ANKH: variants seen among roughly 807,000 people sequenced by gnomAD.
The protein encoded by ANKH is ANKH inorganic pyrophosphate transport regulator, also known as mineralization regulator ANKH.
ANKH carries 15 observed loss-of-function variants against 49.0 expected under a neutral mutation model. The observed-to-expected ratio is 0.31, with a 90% confidence interval of 0.20 to 0.47. The LOEUF (loss-of-function observed/expected upper bound fraction) is 0.47. Among genes scored for constraint, ANKH ranks in the 20% least tolerant of loss-of-function variants. ANKH has a pLI of 1.00. For missense variants in ANKH, 429 were observed against 652.0 expected, an observed-to-expected ratio of 0.66 and a Z score of 3.72; for synonymous variants, 273 against 260.0, an observed-to-expected ratio of 1.05 and a Z score of -0.48.
intron 11 of ANKH, among the ~76,000 whole-genome samples, chr5:14,711,617 C>T (rs1257014153): frequency 6.6e-6 from 1 of 152,220 alleles, no homozygotes; most frequent in Non-Finnish European, 1.5e-5. Flanking sequence ...TGCGCTCTCC[C>T]CGACTCCTCA....
chr5:14,758,656 TTTTTG>T, intron 2 of ANKH, 58 bp from the exon 3 acceptor site: 1 of 1,258,270 alleles, frequency 7.9e-7, no homozygotes, highest in Non-Finnish European at 1.2e-6. Context: ...CTTTATATTC[TTTTTG>T]TTTCAAAAGC....
Position 14,745,877 on chromosome 5 carries a change from A to G in ANKH, c.908T>C (p.Phe303Ser). 1 of 1,614,236 alleles carries G rather than the reference A, an allele frequency of 6.2e-7. No homozygotes were observed. The highest frequency in any genetic ancestry group is 8.5e-7 in the Non-Finnish European group (1 of 1,180,030). ...CACCGCACGGGTTCTCACCTTGTCG[A>G]AAGCAGGATACACAGCACGGATTTC... The part of the protein sequence containing the change: ...LTEIRAVYPA[F>S]DKNNPSNKLV... The change falls in exon 7 of 12, where the codon TTC becomes TCC. Residue 303 changes from phenylalanine to serine, a missense_variant. Phe to Ser is a radical substitution (Grantham distance 155). This residue lies in a region of ANKH where 378 missense variants were observed against 615.3 expected (regional missense o/e 0.61). Transcript: ENST00000284268. The surrounding 1 kb of genome is among the most constrained non-coding windows in gnomAD (Gnocchi z 4.7).
At chr5:14,797,122 T>C in intron 1 of ANKH, 1 of 1,346,896 alleles carries the variant, frequency 7.4e-7, no homozygotes, top group Non-Finnish European at 1.1e-6. Flanking sequence ...TAAAGACATA[T>C]TTAGGACCCT....
At position 14,763,834 on chromosome 5, in the gene ANKH, A is replaced by G. The variant is rs569525928; in HGVS notation, c.313+5141T>C. Reference sequence around the variant, plus strand: ...CTGGGCACGGTGGCTTATGCCTGTAATCCCAGCACTTTGGGAGGCCGAGGC... The same window carrying G: ...CTGGGCACGGTGGCTTATGCCTGTAGTCCCAGCACTTTGGGAGGCCGAGGC... On this transcript the variant is annotated intron_variant, in intron 2 of 11. Transcript: ENST00000284268. 2.2e-3 allele frequency among the ~76,000 whole-genome samples: 334 copies of G among 152,318 alleles called. 2 individuals carry two copies. Among genetic ancestry groups the G allele is most frequent in the African/African-American group, 7.7e-3 (322 of 41,558 alleles).
At chr5:14,731,692 T>G (rs561820313) in intron 8 of ANKH, among the ~76,000 whole-genome samples, 1 of 152,170 alleles carries the variant, frequency 6.6e-6, no homozygotes, top group Non-Finnish European at 1.5e-5. Context: ...AGCCTCGAGG[T>G]TGGAAATCCT....
At position 14,745,811 on chromosome 5, in the gene ANKH, G is replaced by A. The variant is rs1738515239; in HGVS notation, c.915+59C>T. On this transcript the variant is annotated intron_variant, in intron 7 of 11. Coordinates refer to ENST00000284268, the MANE Select transcript of ANKH (RefSeq NM_054027.6). The surrounding 1 kb of genome is among the most constrained non-coding windows in gnomAD (Gnocchi z 4.7). ...AAAGTGTCCCTCATCAGAGAGCCCT[G>A]TCTATCAAGAAGTCATTTCAAAAGC... 3 of 1,473,610 alleles carry A rather than the reference G, an allele frequency of 2.0e-6. No individual in the cohort carries two copies. The highest frequency in any genetic ancestry group is 1.4e-5 in the African/African-American group (1 of 72,284). 91.3% of individuals were successfully genotyped at this position (1,473,610 alleles called of 1,614,324 possible).
chr5:14,772,539 T>A (rs971872204), intron 1 of ANKH, among the ~76,000 whole-genome samples: 1 of 152,200 alleles, frequency 6.6e-6, no homozygotes, highest in African/African-American at 2.4e-5. Context: ...ACACCTGCCA[T>A]GATGCCTTTC....
In ANKH at chr5:14,705,926, G is replaced by A. The variant is rs765771060; in HGVS notation, c.*5271C>T. 1 of 152,092 alleles carries A rather than the reference G, an allele frequency of 6.6e-6. No homozygotes were observed. Among genetic ancestry groups the A allele is most frequent in the Non-Finnish European group, 1.5e-5 (1 of 68,012 alleles). 9.4% of individuals were successfully genotyped at this position (152,092 alleles called of 1,614,324 possible). On this transcript the variant is annotated 3_prime_UTR_variant, in exon 12 of 12. Transcript: ENST00000284268. ...TACCCGGTTGTAATGTTCCCCTAAT[G>A]TTCCCCAACTCCAGAGGCGCCATTT...
At chr5:14,810,675 A>G (rs1020517471) in intron 1 of ANKH, among the ~76,000 whole-genome samples, 4 of 152,148 alleles carry the variant, frequency 2.6e-5, no homozygotes, top group African/African-American at 9.7e-5. Flanking sequence ...GCATTAAGAA[A>G]CCAGAGAGAC....
chr5:14,837,680 T>C (rs1454979943), intron 1 of ANKH, among the ~76,000 whole-genome samples: 1 of 152,250 alleles, frequency 6.6e-6, no homozygotes, highest in Non-Finnish European at 1.5e-5. Context: ...TTGGTGGGAC[T>C]GTAAACTAGT....
chr5:14,833,463 A>G (rs1032400833), intron 1 of ANKH, among the ~76,000 whole-genome samples: 1 of 152,176 alleles, frequency 6.6e-6, no homozygotes, highest in Admixed American at 6.5e-5. Flanking sequence ...AGACATATCA[A>G]TCTTTATGGC....
rs11956097 is a variant in ANKH, at chr5:14,729,800, A to C, written c.1011+12027T>G. 8.6e-3 allele frequency among the ~76,000 whole-genome samples: 1,310 copies of C among 152,312 alleles called. 15 individuals are homozygous for C. Among genetic ancestry groups the C allele is most frequent in the African/African-American group, 0.03 (1,237 of 41,550 alleles). On this transcript the variant is annotated intron_variant, in intron 8 of 11. Coordinates refer to ENST00000284268, the MANE Select transcript of ANKH (RefSeq NM_054027.6). ...GGCACTTCCCAGCAAGTGCACAGAC[A>C]GGGGTTAGCTCAGTGTGTCCAAGAG... is the stretch of plus-strand genomic sequence containing the variant.
rs541588029 is a variant in ANKH at position 14,742,283 on chromosome 5, G to A, written c.916-361C>T. Among the ~76,000 whole-genome samples the A allele has an allele frequency of 5.3e-5, 8 of 152,168 alleles. No homozygotes were observed. The East Asian group carries it at 1.2e-3, about 22-fold the overall frequency. On this transcript the variant is annotated intron_variant, in intron 7 of 11. Coordinates refer to ENST00000284268, the MANE Select transcript of ANKH (RefSeq NM_054027.6). ...GCAGACCCTGTGCCTGGCCACCATC[G>A]GCATCTCCCTAAATGCCATGGCCCT...
chr5:14,855,051 C>T (rs777293603), intron 1 of ANKH, among the ~76,000 whole-genome samples: 1 of 152,218 alleles, frequency 6.6e-6, no homozygotes, highest in Non-Finnish European at 1.5e-5. Context: ...ACTTACCCAA[C>T]TATCCTCTCC....
intron 6 of ANKH, among the ~76,000 whole-genome samples, chr5:14,747,406 A>T (rs1378720407): frequency 6.6e-6 from 1 of 151,984 alleles, no homozygotes; most frequent in African/African-American, 2.4e-5. Context: ...AAAGCGAGAC[A>T]CCGTCTCTAC....
intron 1 of ANKH, among the ~76,000 whole-genome samples, chr5:14,858,330 A>G (rs867541126): frequency 1.3e-5 from 2 of 152,144 alleles, no homozygotes; most frequent in Non-Finnish European, 2.9e-5. Context: ...CTTACAGCGT[A>G]GCTCCCAATT....
intron 8 of ANKH, among the ~76,000 whole-genome samples, chr5:14,718,841 A>ACCCC (rs1418886804): frequency 3.3e-4 from 26 of 79,822 alleles, no homozygotes; most frequent in Admixed American, 9.8e-4. Flanking sequence ...CCCCCCCCCA[A>ACCCC]AAAAAAAAGA....
At chr5:14,814,564 C>T (rs1322756177) in intron 1 of ANKH, among the ~76,000 whole-genome samples, 1 of 152,148 alleles carries the variant, frequency 6.6e-6, no homozygotes, top group Non-Finnish European at 1.5e-5. Context: ...CATGATTGTG[C>T]CACTGCACTC....
intron 2 of ANKH, among the ~76,000 whole-genome samples, chr5:14,765,194 C>T (rs1159939545): frequency 6.6e-6 from 1 of 152,174 alleles, no homozygotes; most frequent in Non-Finnish European, 1.5e-5. Flanking sequence ...TACATGGGTC[C>T]ATGACAGAAG....
Sources: allele counts gnomAD v4.1 joint callset (sites outside exome capture counted in the v4.1 genomes callset), GRCh38; gene constraint gnomAD v4.1.1; regional missense constraint gnomAD v4.1.1; non-coding constraint Gnocchi (gnomAD v3.1); transcripts MANE v1.5; gene names NCBI Gene and HGNC (gene_info 2026-07-23, HGNC 2026-07-21).